GNB1: variants seen among roughly 807,000 people sequenced by gnomAD.
GNB1 encodes the protein guanine nucleotide-binding protein G(I)/G(S)/G(T) subunit beta-1.
GNB1 carries 2 observed loss-of-function variants against 42.9 expected under a neutral mutation model. The ratio of observed to expected loss-of-function variants is 0.05; its 90% CI spans 0.02 to 0.15. The LOEUF is 0.15. GNB1 is among the 10% of genes least tolerant of loss of function. The pLI, the probability that GNB1 is intolerant of heterozygous loss-of-function variation, is 1.00. For missense variants in GNB1, 193 were observed against 462.2 expected (o/e 0.42, Z 5.34); for synonymous variants, 183 against 174.7 (o/e 1.05, Z -0.38).
chr1:1,853,297 C>A (rs146354350), intron 1 of GNB1, among the ~76,000 whole-genome samples: 16 of 152,310 alleles, frequency 1.1e-4, no homozygotes, highest in African/African-American at 3.6e-4. Context: ...AAATACTCCT[C>A]CTACGGAAAA....
chr1:1,804,667 T>C (rs919550518), intron 6 of GNB1, 86 bp from the exon 7 acceptor site: 3 of 1,031,446 alleles, frequency 2.9e-6, no homozygotes, highest in East Asian at 2.6e-5. Context: ...CAACTTTCAC[T>C]GCAAAGGAGG....
chr1:1,869,211 A>AG (rs1649116362), intron 1 of GNB1, among the ~76,000 whole-genome samples: 2 of 149,746 alleles, frequency 1.3e-5, no homozygotes, highest in Non-Finnish European at 3.0e-5. Context: ...AAAAAAAAAA[A>AG]GAATAAGTTA....
chr1:1,858,679 C>G (rs1648436663), intron 1 of GNB1, among the ~76,000 whole-genome samples: 1 of 152,288 alleles, frequency 6.6e-6, no homozygotes, highest in East Asian at 1.9e-4. Context: ...AGGGACACTG[C>G]AGCCATCTCA....
At chr1:1,804,120 T>A (rs527557347) in intron 7 of GNB1, among the ~76,000 whole-genome samples, 1 of 148,332 alleles carries the variant, frequency 6.7e-6, no homozygotes, top group Non-Finnish European at 1.5e-5. Flanking sequence ...GGTGAAACCC[T>A]GTCTCTACTA....
intron 1 of GNB1, among the ~76,000 whole-genome samples, chr1:1,880,626 T>C (rs1649796514): frequency 6.6e-6 from 1 of 152,028 alleles, no homozygotes; most frequent in Non-Finnish European, 1.5e-5. Flanking sequence ...AAAACAGTTC[T>C]GACTAAGTGA....
rs960584259 is a variant in GNB1, at chr1:1,844,204, TTAAAA to T, written c.-95-4971_-95-4967del. ...AGCAAGACTCCATCTCAAAAAAAAA[TTAAAA>T]TAAAATAAAAATAAATTTAAAAAAT... On this transcript the variant is annotated intron_variant, in intron 1 of 11. Transcript: ENST00000378609. Among the ~76,000 whole-genome samples the T allele has an allele frequency of 2.9e-4, 43 of 147,774 alleles. 1 individual carries two copies. The highest frequency in any genetic ancestry group is 8.2e-4 in the African/African-American group (33 of 40,088).
intron 1 of GNB1, among the ~76,000 whole-genome samples, chr1:1,850,183 T>A (rs1159543526): frequency 6.6e-6 from 1 of 151,608 alleles, no homozygotes; most frequent in Non-Finnish European, 1.5e-5. Context: ...CAGGCTGGAG[T>A]GCAATGGCGG....
At chr1:1,853,773 G>A (rs746364267) in intron 1 of GNB1, among the ~76,000 whole-genome samples, 17 of 152,214 alleles carry the variant, frequency 1.1e-4, no homozygotes, top group South Asian at 2.1e-4. Flanking sequence ...TTTGTTAGGC[G>A]GTCACTGTGA....
At chr1:1,792,303 T>G (rs1473600854) in intron 8 of GNB1, among the ~76,000 whole-genome samples, 1 of 151,834 alleles carries the variant, frequency 6.6e-6, no homozygotes, top group Non-Finnish European at 1.5e-5. Context: ...AAAGGGACAA[T>G]CAAAACCCAC....
chr1:1,838,435 C>CT (rs201038635), intron 2 of GNB1, among the ~76,000 whole-genome samples: 12 of 149,316 alleles, frequency 8.0e-5, no homozygotes, highest in African/African-American at 2.7e-4. Flanking sequence ...GTTCACCTTA[C>CT]TTTTTTTTCT....
chr1:1,870,569 G>T (rs1001350456), intron 1 of GNB1, among the ~76,000 whole-genome samples: 5 of 152,204 alleles, frequency 3.3e-5, no homozygotes, highest in Non-Finnish European at 2.9e-5. Context: ...AATATTCTGA[G>T]CTCAGCAGAC....
chr1:1,793,057 T>C (rs1646502599), intron 8 of GNB1, among the ~76,000 whole-genome samples, 188 bp downstream of exon 8: 2 of 139,222 alleles, frequency 1.4e-5, no homozygotes, highest in African/African-American at 5.3e-5. Flanking sequence ...AGAACAAAAC[T>C]CCATCTCAAA....
intron 7 of GNB1, among the ~76,000 whole-genome samples, chr1:1,797,791 T>C (rs765294816): frequency 7.9e-5 from 12 of 152,188 alleles, no homozygotes; most frequent in Non-Finnish European, 1.3e-4. Flanking sequence ...TTCTCCTACC[T>C]GCACCCTGGA....
chr1:1,855,800 G>C (rs1272250184), intron 1 of GNB1, among the ~76,000 whole-genome samples: 2 of 152,240 alleles, frequency 1.3e-5, no homozygotes, highest in South Asian at 2.1e-4. Context: ...GGGAAAGAGA[G>C]ACACCTGGTG....
intron 1 of GNB1, among the ~76,000 whole-genome samples, chr1:1,845,423 A>G (rs1647585880): frequency 6.6e-6 from 1 of 152,074 alleles, no homozygotes; most frequent in Admixed American, 6.5e-5. Context: ...AATACAAAAA[A>G]TTAGCCAGGT....
rs532705634 is a variant in GNB1 at position 1,869,229 on chromosome 1, A to G, written c.-96+21591T>C. Among the ~76,000 whole-genome samples the G allele has an allele frequency of 7.9e-5, 12 of 152,104 alleles. No homozygotes were observed. The South Asian group carries it at 2.5e-3, about 32-fold the overall frequency. ...AAAAAAAAGAATAAGTTACTTACAA[A>G]AAAGAAGCAAACTTACAAAGACCAG... On this transcript the variant is annotated intron_variant, in intron 1 of 11. Coordinates refer to ENST00000378609, the MANE Select transcript of GNB1 (RefSeq NM_002074.5).
chr1:1,814,878 C>T (rs1646830823), intron 5 of GNB1, among the ~76,000 whole-genome samples: 1 of 150,692 alleles, frequency 6.6e-6, no homozygotes, highest in Non-Finnish European at 1.5e-5. Context: ...TTTGGGAGGC[C>T]GAGGCGGGTG....
chr1:1,867,600 T>C (rs929648335), intron 1 of GNB1, among the ~76,000 whole-genome samples: 2 of 152,222 alleles, frequency 1.3e-5, no homozygotes, highest in East Asian at 1.9e-4. Flanking sequence ...TTTCTAAAAA[T>C]AGACTTGCTG....
At chr1:1,882,340 A>T (rs1649891430) in intron 1 of GNB1, among the ~76,000 whole-genome samples, 1 of 150,724 alleles carries the variant, frequency 6.6e-6, no homozygotes, top group African/African-American at 2.4e-5. Flanking sequence ...AGGCAGGAGA[A>T]GCGCCTGAAC....
Sources: gnomAD v4.1 joint callset for allele counts (sites outside exome capture counted in the v4.1 genomes callset) on GRCh38, gnomAD v4.1.1 for gene constraint, MANE v1.5 for transcripts, NCBI Gene and HGNC (gene_info 2026-07-23, HGNC 2026-07-21) for gene names.